The following IGSF3 variants were observed in gnomAD, a reference collection of about 807,000 sequenced individuals.
The protein encoded by IGSF3 is immunoglobulin superfamily member 3, also known as glu-Trp-Ile EWI motif-containing protein 3.
A neutral mutation model predicts 114.4 loss-of-function variants in IGSF3; 23 were observed. The observed-to-expected ratio is 0.20, with a 90% CI of 0.14 to 0.28. The LOEUF (loss-of-function observed/expected upper bound fraction) is 0.28, where lower values mean the gene tolerates loss of function less well. IGSF3 is among the 10% of genes least tolerant of loss of function. The pLI is 1.00. For synonymous variants in IGSF3, 571 were observed against 645.2 expected (o/e 0.88, Z 1.74); for missense variants, 1,172 against 1,591.5 (o/e 0.74, Z 4.48).
Position 116,655,496 on chromosome 1 carries a change from C to A in IGSF3, c.43+10788G>T, listed in dbSNP as rs4839548. Reference sequence around the variant, plus strand: ...CCGTGAACGTTGAGAAGTAACCCAACGCTGTGAAATGATAATCTTTTTACA... The same window carrying A: ...CCGTGAACGTTGAGAAGTAACCCAAAGCTGTGAAATGATAATCTTTTTACA... On this transcript the variant is annotated intron_variant, in intron 2 of 10. Coordinates refer to ENST00000369486, the MANE Select transcript of IGSF3 (RefSeq NM_001007237.3). The surrounding 1 kb of genome is among the most constrained non-coding windows in gnomAD (Gnocchi z 4.3). 3.9e-5 allele frequency among the ~76,000 whole-genome samples: 6 copies of A among 152,174 alleles called. No individual in the cohort carries two copies. The highest frequency in any genetic ancestry group is 3.9e-4 in the Admixed American group (6 of 15,278).
intron 2 of IGSF3, among the ~76,000 whole-genome samples, chr1:116,652,360 G>C (rs998167016): frequency 2.6e-5 from 4 of 152,194 alleles, no homozygotes; most frequent in Non-Finnish European, 4.4e-5. Flanking sequence ...AGCCTAGTTT[G>C]AGTTACAGTA....
rs2101446466 is a variant in IGSF3 at position 116,603,533 on chromosome 1, TA to T, written c.1624+90del. The T allele has an allele frequency of 7.6e-7, 1 of 1,313,962 alleles. No homozygotes were observed. Among genetic ancestry groups the T allele is most frequent in the Non-Finnish European group, 1.1e-6 (1 of 939,460 alleles). The allele number at this position is 1,313,962 out of a possible 1,614,324, so 81.4% of individuals were successfully genotyped here. The stretch of plus-strand genomic sequence containing the variant: ...TAAAAGACTGGCCATAGTTTCCTGC[TA>T]AAACTCTGACTGAGAAAAGTCAGGA... On this transcript the variant is annotated intron_variant, in intron 6 of 10. Transcript: ENST00000369486. The surrounding 1 kb of genome is among the most constrained non-coding windows in gnomAD (Gnocchi z 7.1).
rs1659415578 is a variant in IGSF3 at position 116,577,762 on chromosome 1, TG to T, written c.3335-201del. On this transcript the variant is annotated intron_variant, in intron 10 of 10. Transcript: ENST00000369486. This position sits in a 1 kb window ranked among gnomAD's most constrained non-coding sequence, Gnocchi z 5.7. ...CGCAACACCTCTCCTAATTTACGGC[TG>T]TATGTTCCAACAAAGCAATGCTTCT... is the stretch of plus-strand genomic sequence containing the variant. 6.6e-6 allele frequency among the ~76,000 whole-genome samples: 1 copy of T among 152,220 alleles called. No individual in the cohort carries two copies. The highest frequency in any genetic ancestry group is 6.5e-5 in the Admixed American group (1 of 15,284).
rs1291810483 is a variant in IGSF3 at position 116,634,476 on chromosome 1, C to T, written c.44-18019G>A. On this transcript the variant is annotated intron_variant, in intron 2 of 10. Coordinates refer to ENST00000369486, the MANE Select transcript of IGSF3 (RefSeq NM_001007237.3). This position sits in a 1 kb window ranked among gnomAD's most constrained non-coding sequence, Gnocchi z 4.2. ...CCCAGAACATCACCTGGCTTTCCTC[C>T]TCTCTCCCTGCCCACATCTCCTCAG... Among the ~76,000 whole-genome samples, 3 of 152,196 alleles carry T rather than the reference C, an allele frequency of 2.0e-5. No individual in the cohort carries two copies. Among genetic ancestry groups the T allele is most frequent in the Non-Finnish European group, 4.4e-5 (3 of 68,040 alleles).
intron 2 of IGSF3, among the ~76,000 whole-genome samples, chr1:116,619,189 T>C (rs1661329958): frequency 6.6e-6 from 1 of 152,190 alleles, no homozygotes; most frequent in South Asian, 2.1e-4. Flanking sequence ...TCAAGAAAGC[T>C]TCATTCTCCT....
In IGSF3 at chr1:116,624,629, T is replaced by C. The variant is rs1165295349; in HGVS notation, c.44-8172A>G. On this transcript the variant is annotated intron_variant, in intron 2 of 10. Transcript: ENST00000369486. This position sits in a 1 kb window ranked among gnomAD's most constrained non-coding sequence, Gnocchi z 4.9. ...CAATATCTCCTTCCCACATGCTCTT[T>C]TGCAATGTGACCATGCCACACACTC... Among the ~76,000 whole-genome samples, 2 of 152,224 alleles carry C rather than the reference T, an allele frequency of 1.3e-5. No homozygotes were observed. Among genetic ancestry groups the C allele is most frequent in the African/African-American group, 4.8e-5 (2 of 41,458 alleles).
chr1:116,603,799 G>A lies in IGSF3; in HGVS notation c.1449C>T (p.Gly483=), dbSNP rs766821880. 9 of 1,613,964 alleles carry A rather than the reference G, an allele frequency of 5.6e-6. No individual in the cohort carries two copies. The highest frequency in any genetic ancestry group is 1.7e-5 in the Admixed American group (1 of 60,018). The change falls in exon 6 of 11, where the codon GGC becomes GGT. Residue 483 remains glycine, a synonymous_variant. Transcript: ENST00000369486. This position sits in a 1 kb window ranked among gnomAD's most constrained non-coding sequence, Gnocchi z 7.1. ...SSYWERSSFG[G]VQMEQVQPNS... is the part of the protein sequence containing the mutation. ...TGGGCTGCACCTGCTCCATCTGGAC[G>A]CCCCCAAAGCTGCTGCGCTCCCAGT...
At position 116,593,311 on chromosome 1, in the gene IGSF3, G is replaced by A. The variant is rs1471514992; in HGVS notation, c.2030-4207C>T. Among the ~76,000 whole-genome samples the A allele has an allele frequency of 6.6e-6, 1 of 152,252 alleles. No homozygotes were observed. The highest frequency in any genetic ancestry group is 1.5e-5 in the Non-Finnish European group (1 of 68,044). ...AGCCGTGCTGCTGAGGTGGTTGCCG[G>A]TAAGTCTGGAGAAGGTGGTTTCTGT... On this transcript the variant is annotated intron_variant, in intron 7 of 10. Transcript: ENST00000369486. The surrounding 1 kb of genome is among the most constrained non-coding windows in gnomAD (Gnocchi z 4.5).
intron 2 of IGSF3, among the ~76,000 whole-genome samples, chr1:116,631,903 A>C (rs1647607478): frequency 6.6e-6 from 1 of 152,194 alleles, no homozygotes; most frequent in Non-Finnish European, 1.5e-5. Context: ...GAAAACAGTT[A>C]ATTCAAGGCC....
rs146927758 is a variant in IGSF3 at position 116,629,080 on chromosome 1, G to C, written c.44-12623C>G. Among the ~76,000 whole-genome samples, 1 of 152,134 alleles carries C rather than the reference G, an allele frequency of 6.6e-6. No individual in the cohort carries two copies. The highest frequency in any genetic ancestry group is 2.4e-5 in the African/African-American group (1 of 41,398). ...TACAAGAATGAGCACTATACCATAG[G>C]GGGGTGGGTCACAAAAGCAGGAAAA... On this transcript the variant is annotated intron_variant, in intron 2 of 10. Coordinates refer to ENST00000369486, the MANE Select transcript of IGSF3 (RefSeq NM_001007237.3). The surrounding 1 kb of genome is among the most constrained non-coding windows in gnomAD (Gnocchi z 4.3).
rs928929983 is a variant in IGSF3, at chr1:116,662,233, G to A, written c.43+4051C>T. Among the ~76,000 whole-genome samples, 1 of 152,042 alleles carries A rather than the reference G, an allele frequency of 6.6e-6. No individual in the cohort carries two copies. The stretch of plus-strand genomic sequence containing the variant: ...TTACAGGAATGTGCCACCATGCTCG[G>A]CTAATTTTTGTATTTTTAGTACAGA... On this transcript the variant is annotated intron_variant, in intron 2 of 10. Coordinates refer to ENST00000369486, the MANE Select transcript of IGSF3 (RefSeq NM_001007237.3). The surrounding 1 kb of genome is among the most constrained non-coding windows in gnomAD (Gnocchi z 4.3).
intron 2 of IGSF3, among the ~76,000 whole-genome samples, chr1:116,660,422 T>C (rs1649061334): frequency 6.6e-6 from 1 of 150,474 alleles, no homozygotes; most frequent in African/African-American, 2.4e-5. Context: ...TGCTTCTGCC[T>C]CCCAAAGTGC....
chr1:116,607,685 T>G lies in IGSF3; in HGVS notation c.1222+257A>C, dbSNP rs559199917. On this transcript the variant is annotated intron_variant, in intron 5 of 10. Coordinates refer to ENST00000369486, the MANE Select transcript of IGSF3 (RefSeq NM_001007237.3). The surrounding 1 kb of genome is among the most constrained non-coding windows in gnomAD (Gnocchi z 6.1). ...ATGCACAGGGCTGCTAGCAATCAGA[T>G]AGGCCTATGCCCAGCCCTAGACTGC... is the stretch of plus-strand genomic sequence containing the variant. Among the ~76,000 whole-genome samples the G allele has an allele frequency of 6.6e-6, 1 of 152,202 alleles. No homozygotes were observed. The highest frequency in any genetic ancestry group is 2.1e-4 in the South Asian group (1 of 4,834).
At chr1:116,667,347 C>T (rs1362940846) in intron 1 of IGSF3, among the ~76,000 whole-genome samples, 1 of 152,144 alleles carries the variant, frequency 6.6e-6, no homozygotes, top group East Asian at 1.9e-4. Flanking sequence ...CAGGTGGCCC[C>T]GCTATTGTTT....
At chr1:116,645,184 G>A (rs190638688) in intron 2 of IGSF3, among the ~76,000 whole-genome samples, 2 of 152,368 alleles carry the variant, frequency 1.3e-5, no homozygotes, top group East Asian at 1.9e-4. Flanking sequence ...ATAAAAAGGC[G>A]TGAACTAGAT....
At chr1:116,599,391 TAC>T (rs35774720) in intron 7 of IGSF3, among the ~76,000 whole-genome samples, 5,084 of 147,876 alleles carry the variant, frequency 0.034, 181 homozygotes, top group African/African-American at 0.092. Flanking sequence ...CACATACATA[TAC>T]ACACACACAC....
At position 116,595,531 on chromosome 1, in the gene IGSF3, T is replaced by C. The variant is rs1168919180; in HGVS notation, c.2029+4410A>G. ...AATCTGCCGGGTCAGCAATAAGAAA[T>C]AGAAGAAAACCGATTTGGCAACATC... On this transcript the variant is annotated intron_variant, in intron 7 of 10. Coordinates refer to ENST00000369486, the MANE Select transcript of IGSF3 (RefSeq NM_001007237.3). This position sits in a 1 kb window ranked among gnomAD's most constrained non-coding sequence, Gnocchi z 4.2. Among the ~76,000 whole-genome samples the C allele has an allele frequency of 6.6e-6, 1 of 152,064 alleles. No homozygotes were observed. Among genetic ancestry groups the C allele is most frequent in the African/African-American group, 2.4e-5 (1 of 41,384 alleles).
At chr1:116,639,748 T>G (rs1647997018) in intron 2 of IGSF3, among the ~76,000 whole-genome samples, 1 of 152,232 alleles carries the variant, frequency 6.6e-6, no homozygotes, top group Admixed American at 6.5e-5. Flanking sequence ...AGGAGCTCCA[T>G]GATCTACTAT....
At position 116,624,782 on chromosome 1, in the gene IGSF3, A is replaced by C. The variant is rs1174815375; in HGVS notation, c.44-8325T>G. ...CATTTCACTCAGGGTGTCCTGAACCACCACATAAGACAGCCAACGGTCCTG... is the reference window on the plus strand; with the variant it reads ...CATTTCACTCAGGGTGTCCTGAACCCCCACATAAGACAGCCAACGGTCCTG... On this transcript the variant is annotated intron_variant, in intron 2 of 10. Coordinates refer to ENST00000369486, the MANE Select transcript of IGSF3 (RefSeq NM_001007237.3). This position sits in a 1 kb window ranked among gnomAD's most constrained non-coding sequence, Gnocchi z 4.9. 6.6e-6 allele frequency among the ~76,000 whole-genome samples: 1 copy of C among 152,218 alleles called. No individual in the cohort carries two copies. Among genetic ancestry groups the C allele is most frequent in the African/African-American group, 2.4e-5 (1 of 41,446 alleles).
Sources: allele counts gnomAD v4.1 joint callset (sites outside exome capture counted in the v4.1 genomes callset), GRCh38; gene constraint gnomAD v4.1.1; non-coding constraint Gnocchi (gnomAD v3.1); transcripts MANE v1.5; gene names NCBI Gene and HGNC (gene_info 2026-07-23, HGNC 2026-07-21).